Variants in SLC35F3 observed in about 807,000 individuals in gnomAD.
SLC35F3 encodes solute carrier family 35 member F3, also known as putative thiamine transporter SLC35F3.
In SLC35F3, 25 loss-of-function variants were observed where a neutral mutation model predicts 49.9. The ratio of observed to expected loss-of-function variants is 0.50; its 90% CI spans 0.37 to 0.70. The LOEUF is 0.70. Ranked by LOEUF, SLC35F3 falls within the 30% of genes least tolerant of loss-of-function variation. SLC35F3 has a pLI of 0.00. For missense variants in SLC35F3, 525 were observed against 639.8 expected, an observed-to-expected ratio of 0.82 and a Z score of 1.94; for synonymous variants, 275 against 265.4, an observed-to-expected ratio of 1.04 and a Z score of -0.35.
At chr1:234,220,786 T>C (rs1355304735) in intron 2 of SLC35F3, among the ~76,000 whole-genome samples, 1 of 152,136 alleles carries the variant, frequency 6.6e-6, no homozygotes, top group East Asian at 1.9e-4. Context: ...GGAATGGAGA[T>C]GCCATTAGCA....
At chr1:234,071,198 C>T (rs894096447) in intron 2 of SLC35F3, among the ~76,000 whole-genome samples, 5 of 152,244 alleles carry the variant, frequency 3.3e-5, no homozygotes, top group Non-Finnish European at 7.3e-5. Flanking sequence ...CGCTACAACA[C>T]ATGAGTACCT....
chr1:234,081,904 A>ATTTTTTTTTTTTTTTTTTTTTT (rs781469880), intron 2 of SLC35F3, among the ~76,000 whole-genome samples: 1 of 39,232 alleles, frequency 2.5e-5, no homozygotes, highest in African/African-American at 1.3e-4. Flanking sequence ...TGCCTGGCTA[A>ATTTTTTTTTTTTTTTTTTTTTT]TTTTTTTTTT....
At chr1:234,263,668 G>A (rs1281199875) in intron 3 of SLC35F3, among the ~76,000 whole-genome samples, 1 of 152,172 alleles carries the variant, frequency 6.6e-6, no homozygotes, top group Non-Finnish European at 1.5e-5. Context: ...TGCAGTTGAA[G>A]TTTAAGAACC....
intron 2 of SLC35F3, among the ~76,000 whole-genome samples, chr1:234,112,973 G>A (rs1665431182): frequency 6.6e-6 from 1 of 151,638 alleles, no homozygotes; most frequent in African/African-American, 2.4e-5. Context: ...AGGAGGCTGA[G>A]GTGAAAAGAT....
At chr1:234,251,247 G>A (rs1234503109) in intron 3 of SLC35F3, among the ~76,000 whole-genome samples, 1 of 152,044 alleles carries the variant, frequency 6.6e-6, no homozygotes, top group Non-Finnish European at 1.5e-5. Flanking sequence ...GACCAACAAG[G>A]AAAGACTGCT....
At chr1:234,167,654 T>C (rs934115816) in intron 2 of SLC35F3, among the ~76,000 whole-genome samples, 19 of 152,160 alleles carry the variant, frequency 1.2e-4, no homozygotes, top group African/African-American at 3.4e-4. Flanking sequence ...TTGAAGCAGA[T>C]AGAGCAGCCG....
At chr1:234,044,663 C>T (rs1268061939) in intron 2 of SLC35F3, among the ~76,000 whole-genome samples, 1 of 152,120 alleles carries the variant, frequency 6.6e-6, no homozygotes, top group East Asian at 1.9e-4. Flanking sequence ...ATTTTTATTG[C>T]TTCAATTTGC....
chr1:233,969,195 C>T (rs1407701710), intron 2 of SLC35F3, among the ~76,000 whole-genome samples: 2 of 152,214 alleles, frequency 1.3e-5, no homozygotes, highest in Non-Finnish European at 2.9e-5. Context: ...GAAGTCTCCT[C>T]CATGCCGATT....
At chr1:233,992,807 A>G (rs969265516) in intron 2 of SLC35F3, among the ~76,000 whole-genome samples, 1 of 152,204 alleles carries the variant, frequency 6.6e-6, no homozygotes, top group Non-Finnish European at 1.5e-5. Flanking sequence ...TTACAAGAGC[A>G]TCTTAGAAAA....
intron 2 of SLC35F3, among the ~76,000 whole-genome samples, chr1:234,112,266 C>T (rs911696183): frequency 1.3e-5 from 2 of 152,036 alleles, no homozygotes; most frequent in Non-Finnish European, 2.9e-5. Flanking sequence ...TAGGAGGATT[C>T]CTTGAGCCTG....
intron 3 of SLC35F3, among the ~76,000 whole-genome samples, chr1:234,275,032 A>T (rs661663): frequency 6.6e-6 from 1 of 151,952 alleles, no homozygotes. Flanking sequence ...ATATATTGCC[A>T]CAACCCTTCT....
chr1:233,965,519 G>A (rs566889750), intron 2 of SLC35F3, among the ~76,000 whole-genome samples: 1 of 152,316 alleles, frequency 6.6e-6, no homozygotes, highest in Admixed American at 6.5e-5. Flanking sequence ...CTTGCTGGCT[G>A]GATGAAGTAA....
At chr1:234,132,438 T>G (rs886144657) in intron 2 of SLC35F3, among the ~76,000 whole-genome samples, 5 of 152,222 alleles carry the variant, frequency 3.3e-5, no homozygotes, top group African/African-American at 1.2e-4. Flanking sequence ...ATTTCACATT[T>G]TTGGCATGTG....
At chr1:234,201,288 C>G (rs1268820613) in intron 2 of SLC35F3, among the ~76,000 whole-genome samples, 4 of 152,212 alleles carry the variant, frequency 2.6e-5, no homozygotes, top group South Asian at 2.1e-4. Flanking sequence ...AGGGCTGTAG[C>G]TAAACATTTT....
intron 2 of SLC35F3, among the ~76,000 whole-genome samples, chr1:233,997,990 G>T (rs966083584): frequency 1.3e-5 from 2 of 152,142 alleles, no homozygotes; most frequent in African/African-American, 4.8e-5. Flanking sequence ...GACCTCAGGT[G>T]ATCCACCCAC....
At chr1:234,108,702 T>TA (rs1313726782) in intron 2 of SLC35F3, among the ~76,000 whole-genome samples, 1 of 101,246 alleles carries the variant, frequency 9.9e-6, no homozygotes, top group East Asian at 3.4e-4. Context: ...AAAATATATA[T>TA]TATATATATA....
chr1:234,126,005 G>T (rs11577949), intron 2 of SLC35F3, among the ~76,000 whole-genome samples: 37,521 of 152,078 alleles, frequency 0.25, 5,923 homozygotes, highest in East Asian at 0.78. Flanking sequence ...GGGTCACACT[G>T]TTGACTCTAA....
Position 234,270,825 on chromosome 1 carries a change from G to A in SLC35F3, c.609-38276G>A, listed in dbSNP as rs12130816. ...ATGATGCCTGCCTGACGCAGGGCTT[G>A]TCAAGGTGGGAGGCAGGTGTTGTAG... On this transcript the variant is annotated intron_variant, in intron 3 of 7. Coordinates refer to ENST00000366618, the MANE Select transcript of SLC35F3 (RefSeq NM_173508.4). Among the ~76,000 whole-genome samples, 643 of 152,360 alleles carry A rather than the reference G, an allele frequency of 4.2e-3. 13 individuals are homozygous for A. Among genetic ancestry groups the A allele is most frequent in the Non-Finnish European group, 3.8e-3 (258 of 68,040 alleles).
intron 3 of SLC35F3, among the ~76,000 whole-genome samples, chr1:234,292,052 G>C (rs1452219010): frequency 2.6e-5 from 4 of 152,204 alleles, no homozygotes; most frequent in African/African-American, 9.7e-5. Context: ...TTGCAGGACT[G>C]GTGGTAGCAT....
Sources: gnomAD v4.1 joint callset for allele counts (sites outside exome capture counted in the v4.1 genomes callset) on GRCh38, gnomAD v4.1.1 for gene constraint, MANE v1.5 for transcripts, NCBI Gene and HGNC (gene_info 2026-07-23, HGNC 2026-07-21) for gene names.